The following SPICE1 variants were observed in gnomAD, a reference collection of about 807,000 sequenced individuals.
SPICE1 encodes spindle and centriole associated protein 1.
A neutral mutation model predicts 102.7 loss-of-function variants in SPICE1; 75 were observed. The ratio of observed to expected loss-of-function variants is 0.73; its 90% CI spans 0.61 to 0.88. The LOEUF is 0.88. Among genes scored for constraint, SPICE1 ranks in the 40% least tolerant of loss-of-function variants. SPICE1 has a pLI of 0.00. For synonymous variants in SPICE1, 308 were observed against 350.3 expected, an observed-to-expected ratio of 0.88 and a Z score of 1.35; for missense variants, 979 against 1,020.1, an observed-to-expected ratio of 0.96 and a Z score of 0.55.
intron 13 of SPICE1, among the ~76,000 whole-genome samples, 187 bp from the exon 14 acceptor site, chr3:113,454,137 G>T (rs183446435): frequency 6.6e-6 from 1 of 152,230 alleles, no homozygotes; most frequent in African/African-American, 2.4e-5. Flanking sequence ...CAAGTACAGA[G>T]ACTTTTTACA....
chr3:113,509,796 G>A (rs1192309749), intron 1 of SPICE1, among the ~76,000 whole-genome samples: 1 of 152,206 alleles, frequency 6.6e-6, no homozygotes, highest in Non-Finnish European at 1.5e-5. Flanking sequence ...GGAAGTGATT[G>A]GATCATGGGG....
At chr3:113,484,364 A>G (rs7634660) in intron 7 of SPICE1, among the ~76,000 whole-genome samples, 3,751 of 151,814 alleles carry the variant, frequency 0.025, 67 homozygotes, top group Non-Finnish European at 0.038. Flanking sequence ...AGGGTTTTTC[A>G]TGTCTCTATC....
At chr3:113,454,170 C>A (rs1423923826) in intron 13 of SPICE1, among the ~76,000 whole-genome samples, 1 of 152,046 alleles carries the variant, frequency 6.6e-6, no homozygotes, top group Non-Finnish European at 1.5e-5. Context: ...TTTGTTAGTA[C>A]CCTTGTGAAA....
chr3:113,474,048 C>A (rs1026145318), intron 7 of SPICE1, among the ~76,000 whole-genome samples: 1 of 151,856 alleles, frequency 6.6e-6, no homozygotes, highest in Admixed American at 6.6e-5. Flanking sequence ...ACCCATCTCA[C>A]GTGCAGAGAC....
At chr3:113,467,030 C>T (rs925325138) in intron 10 of SPICE1, among the ~76,000 whole-genome samples, 2 of 151,866 alleles carry the variant, frequency 1.3e-5, no homozygotes, top group Non-Finnish European at 2.9e-5. Context: ...CTAGCCTGGG[C>T]AACAGAATGA....
chr3:113,498,505 G>A (rs1010837360), intron 4 of SPICE1, among the ~76,000 whole-genome samples: 1 of 152,150 alleles, frequency 6.6e-6, no homozygotes, highest in Non-Finnish European at 1.5e-5. Context: ...TTAAATGTAT[G>A]CGACTTGTCC....
chr3:113,504,992 A>G (rs1937080211), intron 2 of SPICE1, among the ~76,000 whole-genome samples: 1 of 152,226 alleles, frequency 6.6e-6, no homozygotes, highest in Non-Finnish European at 1.5e-5. Flanking sequence ...ATAGATTTCA[A>G]TTAAGTTTTA....
At chr3:113,488,689 T>G (rs1209990068) in intron 7 of SPICE1, among the ~76,000 whole-genome samples, 1 of 152,184 alleles carries the variant, frequency 6.6e-6, no homozygotes, top group Non-Finnish European at 1.5e-5. Flanking sequence ...TGTGCATGCA[T>G]GCATGTGTGT....
At chr3:113,484,918 T>C (rs1477763582) in intron 7 of SPICE1, among the ~76,000 whole-genome samples, 3 of 152,196 alleles carry the variant, frequency 2.0e-5, no homozygotes, top group African/African-American at 4.8e-5. Flanking sequence ...CTGAATATCC[T>C]TTTTAATTTT....
intron 14 of SPICE1, 28 bp downstream of exon 14, chr3:113,453,438 C>T: frequency 6.4e-7 from 1 of 1,563,428 alleles, no homozygotes; most frequent in Non-Finnish European, 8.7e-7. Flanking sequence ...TCCTATATGT[C>T]CCTAATCAAT....
At chr3:113,501,632 T>C (rs957259466) in intron 3 of SPICE1, among the ~76,000 whole-genome samples, 1 of 152,140 alleles carries the variant, frequency 6.6e-6, no homozygotes, top group Non-Finnish European at 1.5e-5. Context: ...CCAAAGAATA[T>C]AGTAGAAATG....
At chr3:113,454,018 C>A (rs1935723325) in intron 13 of SPICE1, 68 bp from the exon 14 acceptor site, 2 of 1,359,922 alleles carry the variant, frequency 1.5e-6, no homozygotes, top group Admixed American at 2.6e-5. Context: ...ATACTCATTT[C>A]ATTAGCCCAC....
chr3:113,468,337 G>A lies in SPICE1; in HGVS notation c.957C>T (p.Thr319=), dbSNP rs142273325. ...TAGTCCTATTTGGTAAGTCTGCAGA[G>A]GTTGTGCTACCTGATGATATGTTTT... ...PKKNISSGST[T]SADLPNRTNS... is the part of the protein sequence containing the mutation. Residue 319 remains threonine, a synonymous_variant, in exon 10 of 18, where the codon ACC becomes ACT. Transcript: ENST00000295872. The A allele has an allele frequency of 2.8e-5, 46 of 1,614,182 alleles. No homozygotes were observed. The African/African-American group carries it at 4.9e-4, about 17-fold the overall frequency.
intron 3 of SPICE1, among the ~76,000 whole-genome samples, chr3:113,502,503 G>C (rs997419405): frequency 3.3e-5 from 5 of 152,100 alleles, no homozygotes; most frequent in African/African-American, 1.2e-4. Flanking sequence ...CACAAGGAGT[G>C]ACTGTTAATG....
intron 7 of SPICE1, among the ~76,000 whole-genome samples, chr3:113,478,028 A>G (rs1395020746): frequency 6.6e-6 from 1 of 152,016 alleles, no homozygotes; most frequent in African/African-American, 2.4e-5. Flanking sequence ...TAAAAAAAAG[A>G]AAACAAGATT....
chr3:113,457,363 G>A lies in SPICE1; in HGVS notation c.1436-6C>T. The A allele has an allele frequency of 2.5e-6, 4 of 1,613,706 alleles. No individual in the cohort carries two copies. The highest frequency in any genetic ancestry group is 2.2e-5 in the East Asian group (1 of 44,874). ...GGCATTTACAACTGGACGCTCTGAA[G>A]AAGATGAGAGGATATTAGTACAATA... On this transcript the variant is annotated splice_polypyrimidine_tract_variant and splice_region_variant and intron_variant, in intron 12 of 17. Coordinates refer to ENST00000295872, the MANE Select transcript of SPICE1 (RefSeq NM_144718.4).
At chr3:113,473,443 A>G (rs1366150129) in intron 7 of SPICE1, among the ~76,000 whole-genome samples, 2 of 152,200 alleles carry the variant, frequency 1.3e-5, no homozygotes, top group Non-Finnish European at 2.9e-5. Flanking sequence ...GAACACCACA[A>G]AGATACTCCT....
At chr3:113,493,607 A>C (rs757245764) in intron 5 of SPICE1, among the ~76,000 whole-genome samples, 1 of 152,236 alleles carries the variant, frequency 6.6e-6, no homozygotes, top group Non-Finnish European at 1.5e-5. Context: ...GCCGGAATTC[A>C]AACCTTACAT....
At chr3:113,471,004 T>C (rs760668952) in intron 7 of SPICE1, among the ~76,000 whole-genome samples, 2 of 152,196 alleles carry the variant, frequency 1.3e-5, no homozygotes, top group Non-Finnish European at 2.9e-5. Flanking sequence ...AGTCCTCCCA[T>C]AACTGATTTA....
Sources: allele counts gnomAD v4.1 joint callset (sites outside exome capture counted in the v4.1 genomes callset), GRCh38; gene constraint gnomAD v4.1.1; transcripts MANE v1.5; gene names NCBI Gene and HGNC (gene_info 2026-07-23, HGNC 2026-07-21).